AGBL1: variants seen among roughly 807,000 people sequenced by gnomAD.
AGBL1 encodes the protein AGBL carboxypeptidase 1.
A neutral mutation model predicts 118.9 loss-of-function variants in AGBL1; 130 were observed. That is an observed-to-expected ratio of 1.09 (90% CI 0.95 to 1.26). The LOEUF (loss-of-function observed/expected upper bound fraction) is 1.26. Among genes scored for constraint, AGBL1 ranks in the 50% most tolerant of loss-of-function variants. The pLI, the probability that AGBL1 is intolerant of heterozygous loss-of-function variation, is 0.00. For synonymous variants in AGBL1, 555 were observed against 478.9 expected (o/e 1.16, Z -2.08); for missense variants, 1,584 against 1,298.1 (o/e 1.22, Z -3.38).
intron 22 of AGBL1, among the ~76,000 whole-genome samples, chr15:86,777,650 C>T (rs1417979893): frequency 2.6e-5 from 4 of 152,016 alleles, no homozygotes; most frequent in African/African-American, 9.7e-5. Flanking sequence ...TCTTTTTAGT[C>T]TTCAATAAAA....
chr15:86,295,273 GAA>G lies in AGBL1; in HGVS notation c.2242_2243del (p.Lys748GlufsTer33), dbSNP rs776950610. On this transcript the variant is annotated frameshift_variant, in exon 17 of 23. Transcript: ENST00000614907. LOFTEE classifies it high-confidence loss of function. ...TALMTHLDIL[E>X]KSVNLKEVYF... ...GCTCCAGACTCATCTTGACATCCTGGAAAAGAGTGTCAACCTCAAAGAGGTCT... is the reference window on the plus strand; with the variant it reads ...GCTCCAGACTCATCTTGACATCCTGGAAGAGTGTCAACCTCAAAGAGGTCT... 5.0e-6 allele frequency: 8 copies of G among 1,613,486 alleles called. No homozygotes were observed. Among genetic ancestry groups the G allele is most frequent in the Non-Finnish European group, 6.8e-6 (8 of 1,179,700 alleles).
intron 23 of AGBL1, among the ~76,000 whole-genome samples, chr15:86,958,538 T>A (rs1418910241): frequency 6.6e-6 from 1 of 152,142 alleles, no homozygotes; most frequent in Admixed American, 6.6e-5. Context: ...AAGTTTAGTA[T>A]AAGGTTCTGC....
intron 3 of AGBL1, among the ~76,000 whole-genome samples, chr15:86,144,928 A>G (rs1365397770): frequency 6.6e-6 from 1 of 152,204 alleles, no homozygotes; most frequent in Non-Finnish European, 1.5e-5. Flanking sequence ...AGGAGGTCAG[A>G]AGTCCAAAAT....
chr15:86,096,349 A>G (rs759891185), intron 1 of AGBL1, among the ~76,000 whole-genome samples: 7 of 152,208 alleles, frequency 4.6e-5, no homozygotes, highest in Non-Finnish European at 1.0e-4. Flanking sequence ...ACTTGAACGG[A>G]CATTTCCCAA....
At chr15:86,254,257 G>A (rs2078860758) in intron 7 of AGBL1, among the ~76,000 whole-genome samples, 2 of 152,182 alleles carry the variant, frequency 1.3e-5, no homozygotes, top group Admixed American at 6.5e-5. Context: ...TTACTATTCG[G>A]CACTTGCCTA....
In AGBL1 at chr15:86,646,105, C is replaced by T. The variant is rs536797482; in HGVS notation, c.2995-28168C>T. On this transcript the variant is annotated intron_variant, in intron 21 of 22. Coordinates refer to ENST00000614907, the MANE Select transcript of AGBL1 (RefSeq NM_001386094.1). Reference sequence around the variant, plus strand: ...TAGCAGAATATCTGAGTGTTTATTTCCCCGTCTTACATCAACAGTTTGCTG... The same window carrying T: ...TAGCAGAATATCTGAGTGTTTATTTTCCCGTCTTACATCAACAGTTTGCTG... Among the ~76,000 whole-genome samples the T allele has an allele frequency of 9.2e-5, 14 of 152,218 alleles. No homozygotes were observed. In the South Asian group the frequency reaches 2.7e-3, roughly 29 times the overall value.
intron 24 of AGBL1, among the ~76,000 whole-genome samples, chr15:87,000,001 GT>G (rs2081420104): frequency 1.1e-5 from 1 of 95,134 alleles, no homozygotes; most frequent in Non-Finnish European, 2.4e-5. Flanking sequence ...TTTTTCATGT[GT>G]TTTTTGGCTG....
intron 23 of AGBL1, among the ~76,000 whole-genome samples, chr15:86,928,029 T>A (rs1183462494): frequency 2.6e-5 from 4 of 152,186 alleles, no homozygotes; most frequent in Non-Finnish European, 5.9e-5. Flanking sequence ...ATGTAAGGAA[T>A]GTCTGAGGAA....
At position 86,988,050 on chromosome 15, in the gene AGBL1, A is replaced by C. The variant is rs1006030; in HGVS notation, c.3285A>C (p.Thr1095=). The C allele has an allele frequency of 0.87, 1,396,122 of 1,613,258 alleles. 606,472 individuals carry two copies. The highest frequency in any genetic ancestry group is 0.94 in the South Asian group (85,513 of 91,042). ...TTGCTTACCACTTTTTTGCCATTAC[A>C]AACTTTTTCAAGATGAACCTTCTTC... The change falls in exon 24 of 25, where the codon ACA becomes ACC. Residue 1095 remains threonine, a synonymous_variant. Coordinates refer to the AGBL1 transcript ENST00000441037.
chr15:86,968,367 A>C (rs1265756970), intron 23 of AGBL1, among the ~76,000 whole-genome samples: 1 of 151,988 alleles, frequency 6.6e-6, no homozygotes, highest in East Asian at 1.9e-4. Flanking sequence ...TTCAGTGGAA[A>C]AAAACGACTT....
At chr15:86,629,795 A>G (rs1385218269) in intron 21 of AGBL1, among the ~76,000 whole-genome samples, 2 of 152,198 alleles carry the variant, frequency 1.3e-5, no homozygotes, top group East Asian at 1.9e-4. Flanking sequence ...GTTGACAGAT[A>G]TTGCATTTCC....
At chr15:86,302,163 C>T (rs796501587) in intron 17 of AGBL1, among the ~76,000 whole-genome samples, 5 of 152,150 alleles carry the variant, frequency 3.3e-5, no homozygotes, top group African/African-American at 1.2e-4. Context: ...CTTCCTCCTT[C>T]TAAGGCTGGT....
intron 6 of AGBL1, among the ~76,000 whole-genome samples, chr15:86,235,011 A>G (rs1410934510): frequency 6.6e-6 from 1 of 152,140 alleles, no homozygotes. Flanking sequence ...GATAGTAAAT[A>G]TTTTACGGTT....
chr15:86,714,770 C>G (rs945540562), intron 22 of AGBL1, among the ~76,000 whole-genome samples: 2 of 152,016 alleles, frequency 1.3e-5, no homozygotes, highest in African/African-American at 4.8e-5. Context: ...TCATTGCTTC[C>G]CCATTCTACC....
intron 18 of AGBL1, among the ~76,000 whole-genome samples, chr15:86,427,190 A>AT (rs1396779698): frequency 2.0e-5 from 3 of 152,308 alleles, no homozygotes; most frequent in Admixed American, 6.5e-5. Context: ...GCATAAAAGT[A>AT]TTTTTTATAG....
chr15:86,499,084 T>C (rs1428454065), intron 18 of AGBL1, among the ~76,000 whole-genome samples: 1 of 151,910 alleles, frequency 6.6e-6, no homozygotes, highest in Non-Finnish European at 1.5e-5. Context: ...AGAAATGGAT[T>C]ACAGCTCTGA....
chr15:86,137,265 A>G (rs2076901480), intron 1 of AGBL1, among the ~76,000 whole-genome samples: 1 of 152,216 alleles, frequency 6.6e-6, no homozygotes, highest in African/African-American at 2.4e-5. Context: ...TCTTTAGGAC[A>G]ACACTGTCTC....
chr15:86,615,253 G>A lies in AGBL1; in HGVS notation c.2995-59020G>A, dbSNP rs2084705390. On this transcript the variant is annotated intron_variant, in intron 21 of 22. Transcript: ENST00000614907. This position sits in a 1 kb window ranked among gnomAD's most constrained non-coding sequence, Gnocchi z 4.3. ...TGGAAGTAGAGTAGAGGGCCAGGGA[G>A]ACTAAAAACAGACTATTGACTAAAA... 6.6e-6 allele frequency among the ~76,000 whole-genome samples: 1 copy of A among 152,124 alleles called. No individual in the cohort carries two copies. Among genetic ancestry groups the A allele is most frequent in the African/African-American group, 2.4e-5 (1 of 41,410 alleles).
intron 18 of AGBL1, among the ~76,000 whole-genome samples, chr15:86,482,064 A>G (rs1047146981): frequency 6.6e-6 from 1 of 152,138 alleles, no homozygotes; most frequent in Non-Finnish European, 1.5e-5. Flanking sequence ...ACAGCTTAGG[A>G]ACTCCTCTGC....
Sources: gnomAD v4.1 joint callset for allele counts (sites outside exome capture counted in the v4.1 genomes callset) on GRCh38, gnomAD v4.1.1 for gene constraint, Gnocchi (gnomAD v3.1) non-coding constraint, MANE v1.5 for transcripts, NCBI Gene and HGNC (gene_info 2026-07-23, HGNC 2026-07-21) for gene names.